Variants in KLF16 observed in about 807,000 individuals in gnomAD.
KLF16 encodes Krueppel-like factor 16.
KLF16 carries 6 observed loss-of-function variants against 6.1 expected under a neutral mutation model. The ratio of observed to expected loss-of-function variants is 0.98; its 90% CI spans 0.54 to 1.93. The LOEUF (loss-of-function observed/expected upper bound fraction) is 1.93, where lower values mean the gene tolerates loss of function less well. Ranked by LOEUF, KLF16 falls within the 30% of genes most tolerant of loss-of-function variation. KLF16 has a pLI of 0.01. For missense variants in KLF16, 355 were observed against 363.8 expected (o/e 0.98, Z 0.20); for synonymous variants, 211 against 176.5 (o/e 1.20, Z -1.55).
At chr19:1,870,540 G>A in the KLF16 span, among the ~76,000 whole-genome samples, 1 of 152,094 alleles carries the variant, frequency 6.6e-6, no homozygotes, top group Non-Finnish European at 1.5e-5. Flanking sequence ...GTGGTGACGT[G>A]TGCCTGTCGT....
At chr19:1,863,756 G>A (rs1806879820), upstream of KLF16, among the ~76,000 whole-genome samples, 1 of 142,570 alleles carries the variant, frequency 7.0e-6, no homozygotes, top group Non-Finnish European at 1.6e-5. Flanking sequence ...CCCCCGCCCG[G>A]CGCGCCCTCC....
upstream of KLF16, among the ~76,000 whole-genome samples, chr19:1,868,472 T>A (rs1218959111): frequency 1.3e-3 from 56 of 43,412 alleles, 5 homozygotes; most frequent in African/African-American, 1.6e-3. Context: ...TTTTTTTTTT[T>A]TTTTTTTTTT....
At chr19:1,864,278 G>A (rs2012145452), upstream of KLF16, among the ~76,000 whole-genome samples, 3 of 137,756 alleles carry the variant, frequency 2.2e-5, no homozygotes, top group Admixed American at 2.2e-4. Flanking sequence ...CCACGTGCGC[G>A]ACCCTTCCCC....
At chr19:1,858,775 G>T (rs1338669557) in intron 1 of KLF16, among the ~76,000 whole-genome samples, 1 of 152,104 alleles carries the variant, frequency 6.6e-6, no homozygotes, top group Non-Finnish European at 1.5e-5. Context: ...GTACCTGGGG[G>T]TCGGCAGGGG....
At chr19:1,867,522 C>T (rs753965301), upstream of KLF16, among the ~76,000 whole-genome samples, 8 of 152,164 alleles carry the variant, frequency 5.3e-5, no homozygotes, top group Non-Finnish European at 1.0e-4. Context: ...CTGCAGAGAG[C>T]TGTGATACAC....
In KLF16 at chr19:1,863,149, C is replaced by T. The variant is rs538059038; in HGVS notation, c.349G>A (p.Gly117Ser). The T allele has an allele frequency of 6.9e-6, 9 of 1,311,000 alleles. No homozygotes were observed. The South Asian group carries it at 1.0e-4, about 15-fold the overall frequency. The allele number at this position is 1,311,000 out of a possible 1,614,324, so 81.2% of individuals were successfully genotyped here. The part of the protein sequence containing the change: ...ASSPSSGRAP[G>S]AAPSAAAKSH... ...TTGGCGGCGGCGGAGGGCGCGGCGC[C>T]GGGGGCGCGGCCCGAGGACGGGGAC... The change falls in exon 1 of 2, where the codon GGC (glycine) becomes AGC (serine). Residue 117 changes from glycine (G) to serine (S), a missense_variant. Physicochemically the swap from Gly to Ser is moderately conservative, Grantham distance 56 (BLOSUM62 0). Transcript: ENST00000250916.
intron 1 of KLF16, 21 bp downstream of exon 1, chr19:1,863,020 C>A: frequency 7.7e-7 from 1 of 1,294,806 alleles, no homozygotes. Context: ...CCGCAAGGGC[C>A]GGGATCGCGG....
Position 1,854,396 on chromosome 19 carries a change from G to T in KLF16, c.*63C>A. The T allele has an allele frequency of 7.3e-7, 1 of 1,370,426 alleles. No individual in the cohort carries two copies. Among genetic ancestry groups the T allele is most frequent in the Non-Finnish European group, 9.3e-7 (1 of 1,069,944 alleles). The allele number at this position is 1,370,426 out of a possible 1,614,324, so 84.9% of individuals were successfully genotyped here. A position where few individuals can be genotyped will look rare whatever the true frequency, so the allele number is the denominator to read the frequency against. ...TGGAAGGGGCCCAGGCTCCCCGTGG[G>T]TCCTCACTACACCCCTGGATGGCAG... On this transcript the variant is annotated 3_prime_UTR_variant, in exon 2 of 2. Coordinates refer to ENST00000250916, the MANE Select transcript of KLF16 (RefSeq NM_031918.4).
rs967552901 is a variant in KLF16, at chr19:1,854,205, G to A, written c.*254C>T. On this transcript the variant is annotated 3_prime_UTR_variant, in exon 2 of 2. Coordinates refer to ENST00000250916, the MANE Select transcript of KLF16 (RefSeq NM_031918.4). ...CTCCTAGCTGCCCTGGGGGGGCCCC[G>A]TTGCACAGATGGGAAGAAAGTTAGT... is the stretch of plus-strand genomic sequence containing the variant. 1.9e-5 allele frequency: 8 copies of A among 430,486 alleles called. No homozygotes were observed. The highest frequency in any genetic ancestry group is 2.8e-5 in the Non-Finnish European group (7 of 252,364). The allele number at this position is 430,486 out of a possible 1,614,324, so 26.7% of individuals were successfully genotyped here. A position where few individuals can be genotyped will look rare whatever the true frequency, so the allele number is the denominator to read the frequency against.
intron 1 of KLF16, among the ~76,000 whole-genome samples, chr19:1,855,747 G>C (rs1186105480): frequency 6.6e-6 from 1 of 152,234 alleles, no homozygotes; most frequent in Non-Finnish European, 1.5e-5. Context: ...CCAACGACTG[G>C]GGAGGGGCAG....
the KLF16 span, among the ~76,000 whole-genome samples, chr19:1,873,193 G>A: frequency 6.6e-6 from 1 of 152,186 alleles, no homozygotes; most frequent in Non-Finnish European, 1.5e-5. Context: ...TTAATGGGAC[G>A]ACGGATGAAT....
chr19:1,855,877 C>T (rs188410360), intron 1 of KLF16, among the ~76,000 whole-genome samples: 26 of 152,356 alleles, frequency 1.7e-4, no homozygotes, highest in African/African-American at 6.0e-4. Flanking sequence ...ACGTTATTCC[C>T]GTGACACCCC....
intron 1 of KLF16, among the ~76,000 whole-genome samples, chr19:1,859,161 G>A (rs147099071): frequency 1.3e-5 from 2 of 148,312 alleles, no homozygotes; most frequent in East Asian, 4.2e-4. Context: ...CTGCCCACCA[G>A]CACTGCCATC....
the KLF16 span, among the ~76,000 whole-genome samples, chr19:1,873,820 G>A: frequency 6.6e-6 from 1 of 152,248 alleles, no homozygotes; most frequent in Non-Finnish European, 1.5e-5. Context: ...AAGTTGGCCT[G>A]ACAGCCTGGA....
At chr19:1,859,542 G>A (rs780769118) in intron 1 of KLF16, among the ~76,000 whole-genome samples, 4 of 151,782 alleles carry the variant, frequency 2.6e-5, no homozygotes, top group Non-Finnish European at 5.9e-5. Flanking sequence ...TCACCTTGCC[G>A]AGGTGCCCCC....
In KLF16 at chr19:1,853,353, G is replaced by C. The variant is rs888787822; in HGVS notation, c.*1106C>G. ...AGCCAGCCCTCTGCTTCCAGTCCAC[G>C]AGGCAAGACCTCAACCACGGGCCAG... On this transcript the variant is annotated 3_prime_UTR_variant, in exon 2 of 2. Transcript: ENST00000250916. 1 of 152,452 alleles carries C rather than the reference G, an allele frequency of 6.6e-6. No homozygotes were observed. The highest frequency in any genetic ancestry group is 6.5e-5 in the Admixed American group (1 of 15,276). 9.4% of individuals were successfully genotyped at this position (152,452 alleles called of 1,614,324 possible). A position where few individuals can be genotyped will look rare whatever the true frequency, so the allele number is the denominator to read the frequency against.
chr19:1,855,259 T>C (rs79604465), intron 1 of KLF16, among the ~76,000 whole-genome samples: 2,093 of 152,300 alleles, frequency 0.014, 44 homozygotes, highest in African/African-American at 0.048. Flanking sequence ...CCACCTGGGA[T>C]GCAAAGGCTG....
upstream of KLF16, among the ~76,000 whole-genome samples, chr19:1,865,737 C>A (rs2012177792): frequency 6.6e-6 from 1 of 152,208 alleles, no homozygotes; most frequent in Admixed American, 6.5e-5. Context: ...CACACCCCAC[C>A]CATGAGGCTT....
chr19:1,869,326 A>G, the KLF16 span, among the ~76,000 whole-genome samples: 1 of 152,112 alleles, frequency 6.6e-6, no homozygotes, highest in Non-Finnish European at 1.5e-5. Flanking sequence ...AAAACACAAA[A>G]AAAATTAGCC....
Sources: allele counts gnomAD v4.1 joint callset (sites outside exome capture counted in the v4.1 genomes callset), GRCh38; gene constraint gnomAD v4.1.1; transcripts MANE v1.5; gene names NCBI Gene and HGNC (gene_info 2026-07-23, HGNC 2026-07-21).